SOD2: variants seen among roughly 807,000 people sequenced by gnomAD.
SOD2 encodes superoxide dismutase [Mn], mitochondrial.
A neutral mutation model predicts 27.0 loss-of-function variants in SOD2; 11 were observed. The ratio of observed to expected loss-of-function variants is 0.41; its 90% CI spans 0.26 to 0.67. The LOEUF (loss-of-function observed/expected upper bound fraction) is 0.67. Ranked by LOEUF, SOD2 falls within the 30% of genes least tolerant of loss-of-function variation. SOD2 has a pLI of 0.34. For missense variants in SOD2, 250 were observed against 274.5 expected (o/e 0.91, Z 0.63); for synonymous variants, 105 against 103.0 (o/e 1.02, Z -0.12).
upstream of SOD2, among the ~76,000 whole-genome samples, chr6:159,730,662 A>G (rs547689959): frequency 2.0e-5 from 3 of 152,184 alleles, no homozygotes; most frequent in African/African-American, 7.2e-5. Context: ...CATCAGATTA[A>G]AGTTGAGGAA....
In SOD2 at chr6:159,755,933, CAAT is replaced by C. The variant is rs531126647; in HGVS notation, c.-336+5101_-336+5103del. The C allele has an allele frequency of 1.8e-3, 449 of 252,258 alleles. 2 individuals are homozygous for C. The highest frequency in any genetic ancestry group is 9.8e-3 in the African/African-American group (428 of 43,464). 15.6% of individuals were successfully genotyped at this position (252,258 alleles called of 1,614,324 possible). A position where few individuals can be genotyped will look rare whatever the true frequency, so the allele number is the denominator to read the frequency against. Reference sequence around the variant, plus strand: ...GGAAATTTTTCCTTAAAATACAACACAATGATGTCTGTATAAATCTGTCTGTTT... The same window carrying C: ...GGAAATTTTTCCTTAAAATACAACACGATGTCTGTATAAATCTGTCTGTTT... On this transcript the variant is annotated intron_variant, in intron 1 of 7. Coordinates refer to the SOD2 transcript ENST00000546087.
At chr6:159,752,697 A>G (rs1779866505) in intron 1 of SOD2, among the ~76,000 whole-genome samples, 1 of 152,166 alleles carries the variant, frequency 6.6e-6, no homozygotes. Flanking sequence ...GCCTCAATTA[A>G]TATAATAGAT....
At chr6:159,744,249 G>A (rs1410949681) in intron 1 of SOD2, among the ~76,000 whole-genome samples, 1 of 152,124 alleles carries the variant, frequency 6.6e-6, no homozygotes, top group African/African-American at 2.4e-5. Context: ...ACTTTGATGT[G>A]TACTGTGTAG....
intron 1 of SOD2, among the ~76,000 whole-genome samples, chr6:159,739,289 C>A (rs953642917): frequency 6.6e-6 from 1 of 152,072 alleles, no homozygotes; most frequent in African/African-American, 2.4e-5. Context: ...TGTAGTTTTT[C>A]CTTTCGTGTT....
At chr6:159,693,092 C>T in intron 1 of SOD2, 53 bp downstream of exon 1, 1 of 1,514,836 alleles carries the variant, frequency 6.6e-7, no homozygotes, top group Non-Finnish European at 8.8e-7. Flanking sequence ...AGGCCCTGCC[C>T]GCCGCGAGCC....
Position 159,679,314 on chromosome 6 carries a change from A to G in SOD2, c.*3179T>C, listed in dbSNP as rs1214414965. 6.6e-6 allele frequency: 1 copy of G among 152,272 alleles called. No homozygotes were observed. The highest frequency in any genetic ancestry group is 2.4e-5 in the African/African-American group (1 of 41,474). The allele number at this position is 152,272 out of a possible 1,614,324, so 9.4% of individuals were successfully genotyped here. A position where few individuals can be genotyped will look rare whatever the true frequency, so the allele number is the denominator to read the frequency against. On this transcript the variant is annotated 3_prime_UTR_variant, in exon 5 of 5. Transcript: ENST00000538183. The stretch of plus-strand genomic sequence containing the variant: ...TAGGGTATGACTGAAAGTGAGAAAC[A>G]GTAATTTGTAAAACATTTACCTAAT...
intron 1 of SOD2, among the ~76,000 whole-genome samples, chr6:159,752,420 A>G (rs188583044): frequency 1.3e-5 from 2 of 152,326 alleles, no homozygotes; most frequent in East Asian, 3.9e-4. Flanking sequence ...TGCTGAGGCT[A>G]AAGAAAAGCA....
intron 1 of SOD2, among the ~76,000 whole-genome samples, chr6:159,702,856 A>G (rs975493217): frequency 2.1e-5 from 3 of 140,786 alleles, no homozygotes; most frequent in African/African-American, 8.0e-5. Flanking sequence ...TCTCGAAAAA[A>G]AAAAAAAAAA....
rs1424476176 is a variant in SOD2 at position 159,671,443 on chromosome 6, G to A, written c.*11050C>T. The A allele has an allele frequency of 2.0e-5, 3 of 152,344 alleles. No homozygotes were observed. Among genetic ancestry groups the A allele is most frequent in the Admixed American group, 6.5e-5 (1 of 15,278 alleles). 9.4% of individuals were successfully genotyped at this position (152,344 alleles called of 1,614,324 possible). A position where few individuals can be genotyped will look rare whatever the true frequency, so the allele number is the denominator to read the frequency against. On this transcript the variant is annotated 3_prime_UTR_variant, in exon 5 of 5. Transcript: ENST00000538183. ...CAACATTTGCTGTTCAGCAATATTC[G>A]CTGTTCTACAGCCTCCACTGTGATA... is the stretch of plus-strand genomic sequence containing the variant.
chr6:159,725,997 G>A (rs1255907498), intron 1 of SOD2: 1 of 152,166 alleles, frequency 6.6e-6, no homozygotes, highest in African/African-American at 2.4e-5. Flanking sequence ...GGATATTTGG[G>A]TTATCCCTAA....
chr6:159,725,638 A>G (rs994626169), intron 1 of SOD2: 10 of 152,026 alleles, frequency 6.6e-5, no homozygotes, highest in Non-Finnish European at 1.5e-4. Flanking sequence ...CTAAAAGTTC[A>G]AAGACAGAGA....
rs368990276 is a variant in SOD2 at position 159,681,694 on chromosome 6, G to C, written c.*799C>G. ...CAGCCATACCACCCTGAAGGCACCC[G>C]ATCTCGACTGATTTACAATTTTGCC... is the stretch of plus-strand genomic sequence containing the variant. On this transcript the variant is annotated 3_prime_UTR_variant, in exon 5 of 5. Coordinates refer to ENST00000538183, the MANE Select transcript of SOD2 (RefSeq NM_000636.4). 1 of 152,094 alleles carries C rather than the reference G, an allele frequency of 6.6e-6. No individual in the cohort carries two copies. Among genetic ancestry groups the C allele is most frequent in the Admixed American group, 6.6e-5 (1 of 15,264 alleles). The allele number at this position is 152,094 out of a possible 1,614,324, so 9.4% of individuals were successfully genotyped here.
rs1779901772 is a variant in SOD2 at position 159,680,528 on chromosome 6, A to G, written c.*1965T>C. The G allele has an allele frequency of 1.3e-5, 2 of 152,282 alleles. No homozygotes were observed. The highest frequency in any genetic ancestry group is 4.1e-4 in the South Asian group (2 of 4,828). The allele number at this position is 152,282 out of a possible 1,614,324, so 9.4% of individuals were successfully genotyped here. ...TTTTAAACTTCAGTCTTCAATATTG[A>G]AACTGCTAAGTTACCCCATTTTTCC... On this transcript the variant is annotated 3_prime_UTR_variant, in exon 5 of 5. Transcript: ENST00000538183.
At chr6:159,754,014 TTGTATC>T (rs1412549158) in intron 1 of SOD2, among the ~76,000 whole-genome samples, 2 of 152,214 alleles carry the variant, frequency 1.3e-5, no homozygotes, top group African/African-American at 4.8e-5. Flanking sequence ...ATAAAGTTGA[TTGTATC>T]TGTGAAGGTT....
upstream of SOD2, chr6:159,748,226 G>A (rs7766006): frequency 3.7e-6 from 6 of 1,613,546 alleles, no homozygotes; most frequent in African/African-American, 1.3e-5. This position sits in a 1 kb window ranked among gnomAD's most constrained non-coding sequence, Gnocchi z 5.6. Flanking sequence ...TCCAGCAGCC[G>A]AGCGTTGCCC....
chr6:159,723,755 T>C (rs577393023), intron 1 of SOD2, among the ~76,000 whole-genome samples: 1 of 80,592 alleles, frequency 1.2e-5, no homozygotes, highest in East Asian at 5.4e-4. Flanking sequence ...CTAGGACTTT[T>C]TTTTGCAGTT....
chr6:159,757,387 CTT>C (rs1780037337), intron 1 of SOD2, among the ~76,000 whole-genome samples: 1 of 151,062 alleles, frequency 6.6e-6, no homozygotes, highest in African/African-American at 2.4e-5. Context: ...TGCACTGTCT[CTT>C]GATTAACCTT....
At chr6:159,710,193 A>G (rs1190412084) in intron 1 of SOD2, among the ~76,000 whole-genome samples, 1 of 151,840 alleles carries the variant, frequency 6.6e-6, no homozygotes, top group Non-Finnish European at 1.5e-5. Flanking sequence ...TAGTACACCA[A>G]CATGGCACAT....
At position 159,677,962 on chromosome 6, in the gene SOD2, C is replaced by T. The variant is rs2114752714; in HGVS notation, c.*4531G>A. On this transcript the variant is annotated 3_prime_UTR_variant, in exon 5 of 5. Coordinates refer to ENST00000538183, the MANE Select transcript of SOD2 (RefSeq NM_000636.4). ...AGCTTCAGGACGGGGGGCTGCTTAC[C>T]AGAAAGACCAAGGCAAGATTGGAGG... 6.6e-6 allele frequency: 1 copy of T among 152,232 alleles called. No individual in the cohort carries two copies. The highest frequency in any genetic ancestry group is 2.1e-4 in the South Asian group (1 of 4,824). 9.4% of individuals were successfully genotyped at this position (152,232 alleles called of 1,614,324 possible). A position where few individuals can be genotyped will look rare whatever the true frequency, so the allele number is the denominator to read the frequency against.
Sources: allele counts gnomAD v4.1 joint callset (sites outside exome capture counted in the v4.1 genomes callset), GRCh38; gene constraint gnomAD v4.1.1; non-coding constraint Gnocchi (gnomAD v3.1); transcripts MANE v1.5; gene names NCBI Gene and HGNC (gene_info 2026-07-23, HGNC 2026-07-21).